The following SP140 variants were observed in gnomAD, a reference collection of about 807,000 sequenced individuals.
SP140 encodes the protein nuclear body protein SP140.
A neutral mutation model predicts 125.0 loss-of-function variants in SP140; 81 were observed. The ratio of observed to expected loss-of-function variants is 0.65; its 90% CI spans 0.54 to 0.78. SP140 has a LOEUF of 0.78. SP140 is among the 30% of genes least tolerant of loss of function. The probability of loss-of-function intolerance (pLI) is 0.00; values close to 1 mark genes in which losing one functional copy is unlikely to be tolerated. For synonymous variants in SP140, 312 were observed against 354.0 expected, an observed-to-expected ratio of 0.88 and a Z score of 1.33; for missense variants, 858 against 1,037.0, an observed-to-expected ratio of 0.83 and a Z score of 2.37.
At chr2:230,313,594 T>C (rs1575408004), downstream of SP140, among the ~76,000 whole-genome samples, 1 of 152,338 alleles carries the variant, frequency 6.6e-6, no homozygotes, top group East Asian at 1.9e-4. Context: ...CTGCTTCCCC[T>C]ACTCCCTTCT....
chr2:230,241,565 C>T, intron 4 of SP140, 78 bp downstream of exon 4: 1 of 829,604 alleles, frequency 1.2e-6, no homozygotes, highest in Non-Finnish European at 2.1e-6. Flanking sequence ...CTTGTATTTC[C>T]TCTCCTGTCT....
chr2:230,280,813 T>TA (rs1559320971), intron 15 of SP140, among the ~76,000 whole-genome samples: 2 of 152,250 alleles, frequency 1.3e-5, no homozygotes, highest in East Asian at 3.9e-4. Flanking sequence ...TTACTTAATT[T>TA]AAAAAAATAT....
At chr2:230,281,597 T>A (rs569688885) in intron 15 of SP140, among the ~76,000 whole-genome samples, 1 of 152,350 alleles carries the variant, frequency 6.6e-6, no homozygotes, top group Non-Finnish European at 1.5e-5. Context: ...GGGCAATCAC[T>A]ACTCTTCTTT....
At chr2:230,288,141 T>G (rs1021387940) in intron 18 of SP140, 175 bp downstream of exon 18, 23 of 595,298 alleles carry the variant, frequency 3.9e-5, no homozygotes, top group Non-Finnish European at 6.0e-5. Flanking sequence ...AAGAAGGAAG[T>G]AAGTTGGTGA....
chr2:230,219,221 T>C (rs1202814989), intron 3 of SP140, among the ~76,000 whole-genome samples: 1 of 152,230 alleles, frequency 6.6e-6, no homozygotes, highest in Non-Finnish European at 1.5e-5. Flanking sequence ...CGAGACTCCG[T>C]CTCAGAAAAC....
intron 1 of SP140, among the ~76,000 whole-genome samples, chr2:230,205,652 C>A (rs2043698480): frequency 6.6e-6 from 1 of 152,086 alleles, no homozygotes; most frequent in African/African-American, 2.4e-5. Flanking sequence ...TTAGTGCTCA[C>A]TGCATATTTG....
At chr2:230,220,493 G>A (rs1222802019) in intron 3 of SP140, among the ~76,000 whole-genome samples, 1 of 152,140 alleles carries the variant, frequency 6.6e-6, no homozygotes, top group Non-Finnish European at 1.5e-5. Context: ...GAAATGAAAG[G>A]GAACCTGCAC....
chr2:230,259,904 C>G (rs1291910748), intron 12 of SP140, among the ~76,000 whole-genome samples: 1 of 151,684 alleles, frequency 6.6e-6, no homozygotes, highest in African/African-American at 2.4e-5. Flanking sequence ...TATAAACATG[C>G]ATGTGCAAGT....
intron 22 of SP140, 78 bp from the exon 23 acceptor site, chr2:230,309,846 T>A: frequency 1.4e-6 from 2 of 1,438,674 alleles, no homozygotes; most frequent in South Asian, 2.3e-5. Context: ...ACAAAGGCAG[T>A]GTGTTCTAGT....
In SP140 at chr2:230,278,573, C is replaced by G. The variant is rs148064007; in HGVS notation, c.1499-5773C>G. 8.6e-4 allele frequency among the ~76,000 whole-genome samples: 130 copies of G among 152,024 alleles called. 1 individual carries two copies. Among genetic ancestry groups the G allele is most frequent in the African/African-American group, 2.9e-3 (121 of 41,502 alleles). On this transcript the variant is annotated intron_variant, in intron 15 of 26. Coordinates refer to ENST00000392045, the MANE Select transcript of SP140 (RefSeq NM_007237.5). ...GGTGTCATATCTAAAGAATAATTGC[C>G]CAGACTAACCTCAAGGAGCTTTTCC...
chr2:230,199,071 A>T (rs1559159890), upstream of SP140, among the ~76,000 whole-genome samples: 2 of 151,936 alleles, frequency 1.3e-5, no homozygotes, highest in East Asian at 3.8e-4. Context: ...GAATAAGCCC[A>T]GGACCCTACA....
chr2:230,279,043 A>G (rs2055141133), intron 15 of SP140, among the ~76,000 whole-genome samples: 1 of 152,144 alleles, frequency 6.6e-6, no homozygotes, highest in South Asian at 2.1e-4. Context: ...TGAACTATCC[A>G]AAAAATAAAT....
intron 1 of SP140, among the ~76,000 whole-genome samples, chr2:230,207,141 C>G (rs192400700): frequency 1.3e-4 from 20 of 152,244 alleles, no homozygotes; most frequent in African/African-American, 4.6e-4. Flanking sequence ...CTCAAAGCAG[C>G]AAAGTTTTTT....
Position 230,237,027 on chromosome 2 carries a change from C to T in SP140, c.60-56C>T. ...CTTCATGTCTAAAATCTTCTAACCACCACAAACCTCTTGGAAACTCAGTGT... is the reference window on the plus strand; with the variant it reads ...CTTCATGTCTAAAATCTTCTAACCATCACAAACCTCTTGGAAACTCAGTGT... On this transcript the variant is annotated intron_variant, in intron 1 of 26. Transcript: ENST00000392045. This position sits in a 1 kb window ranked among gnomAD's most constrained non-coding sequence, Gnocchi z 5.4. 1 of 1,432,810 alleles carries T rather than the reference C, an allele frequency of 7.0e-7. No homozygotes were observed. Among genetic ancestry groups the T allele is most frequent in the African/African-American group, 1.4e-5 (1 of 69,362 alleles). The allele number at this position is 1,432,810 out of a possible 1,614,324, so 88.8% of individuals were successfully genotyped here.
intron 22 of SP140, among the ~76,000 whole-genome samples, chr2:230,308,631 G>A (rs1178835436): frequency 3.9e-5 from 6 of 152,334 alleles, no homozygotes; most frequent in Admixed American, 6.5e-5. Context: ...TGTGGAGGGC[G>A]GGCTGTCCCC....
intron 3 of SP140, chr2:230,217,014 G>C: frequency 9.1e-7 from 1 of 1,101,334 alleles, no homozygotes; most frequent in Non-Finnish European, 1.3e-6. Flanking sequence ...GGGAGGCCGA[G>C]GTGGGTGGAT....
At chr2:230,188,767 G>A in the SP140 span, among the ~76,000 whole-genome samples, 15 of 152,024 alleles carry the variant, frequency 9.9e-5, no homozygotes, top group African/African-American at 3.6e-4. Context: ...TTCTGTTTTT[G>A]TGATGTACCA....
rs569118981 is a variant in SP140, at chr2:230,241,444, C to T, written c.447C>T (p.Asn149=). ...CACCTCTCCAAATGAATAATGTAAA[C>T]GATTTAGAAGATAGACCCAGATTAC... ...EHSPLQMNNV[N]DLEDRPRLLP... is the part of the protein sequence containing the mutation. Residue 149 remains asparagine (N), a synonymous_variant, in exon 4 of 27, where the codon AAC becomes AAT. Coordinates refer to ENST00000392045, the MANE Select transcript of SP140 (RefSeq NM_007237.5). 3.7e-5 allele frequency: 59 copies of T among 1,597,878 alleles called. No individual in the cohort carries two copies. Among genetic ancestry groups the T allele is most frequent in the South Asian group, 2.5e-4 (23 of 90,706 alleles).
At chr2:230,221,470 G>C (rs1017160144), upstream of SP140, among the ~76,000 whole-genome samples, 3 of 152,066 alleles carry the variant, frequency 2.0e-5, no homozygotes, top group Non-Finnish European at 4.4e-5. Context: ...TTCTATGCAG[G>C]CACAAACAGC....
Sources: allele counts gnomAD v4.1 joint callset (sites outside exome capture counted in the v4.1 genomes callset), GRCh38; gene constraint gnomAD v4.1.1; non-coding constraint Gnocchi (gnomAD v3.1); transcripts MANE v1.5; gene names NCBI Gene and HGNC (gene_info 2026-07-23, HGNC 2026-07-21).